The following CDYL variants were observed in gnomAD, a reference collection of about 807,000 sequenced individuals.
The protein encoded by CDYL is chromodomain Y-like protein.
In CDYL, 8 loss-of-function variants were observed where a neutral mutation model predicts 47.3. The ratio of observed to expected loss-of-function variants is 0.17; its 90% CI spans 0.10 to 0.31. The LOEUF (loss-of-function observed/expected upper bound fraction) is 0.31. Among genes scored for constraint, CDYL ranks in the 10% least tolerant of loss-of-function variants. The pLI is 1.00. For synonymous variants in CDYL, 266 were observed against 265.0 expected (o/e 1.00, Z -0.04); for missense variants, 471 against 701.4 (o/e 0.67, Z 3.71).
chr6:4,717,839 ATTT>A (rs11450522), intron 2 of CDYL, among the ~76,000 whole-genome samples: 1 of 144,214 alleles, frequency 6.9e-6, no homozygotes. Flanking sequence ...ACCCTGTTAG[ATTT>A]TTTTTTTTCT....
chr6:4,709,727 A>G (rs966579625), intron 1 of CDYL, among the ~76,000 whole-genome samples: 1 of 152,128 alleles, frequency 6.6e-6, no homozygotes, highest in Non-Finnish European at 1.5e-5. Context: ...TATTCTTCTC[A>G]TATTGTGGTT....
At chr6:4,918,773 C>T (rs975120216) in intron 2 of CDYL, among the ~76,000 whole-genome samples, 1 of 152,158 alleles carries the variant, frequency 6.6e-6, no homozygotes, top group Non-Finnish European at 1.5e-5. Context: ...TTTGAAACTG[C>T]TTTATCTCTG....
chr6:4,763,465 T>C (rs989273226), intron 3 of CDYL, among the ~76,000 whole-genome samples: 3 of 152,180 alleles, frequency 2.0e-5, no homozygotes, highest in African/African-American at 4.8e-5. Context: ...TGTTGGAACA[T>C]GGGTCAGTAG....
At chr6:4,876,422 G>A (rs2127475622) in intron 1 of CDYL, among the ~76,000 whole-genome samples, 1 of 152,220 alleles carries the variant, frequency 6.6e-6, no homozygotes, top group South Asian at 2.1e-4. Context: ...CAGACCTTTT[G>A]CCAAAGTGGC....
At chr6:4,858,419 C>T (rs972393485) in intron 1 of CDYL, among the ~76,000 whole-genome samples, 6 of 152,172 alleles carry the variant, frequency 3.9e-5, no homozygotes, top group South Asian at 4.1e-4. Flanking sequence ...CAAACACTTC[C>T]ACTACTTGTC....
intron 3 of CDYL, among the ~76,000 whole-genome samples, chr6:4,737,081 G>A (rs1422851960): frequency 6.6e-6 from 1 of 152,076 alleles, no homozygotes; most frequent in African/African-American, 2.4e-5. Context: ...AGGAAAAGAA[G>A]GGAATGTCTT....
At chr6:4,820,891 G>A (rs139992318) in intron 1 of CDYL, among the ~76,000 whole-genome samples, 33 of 152,306 alleles carry the variant, frequency 2.2e-4, no homozygotes, top group African/African-American at 7.7e-4. Context: ...CTTGAAATCT[G>A]TAAAACATCC....
chr6:4,924,907 T>A (rs1189189414), intron 2 of CDYL, among the ~76,000 whole-genome samples: 2 of 152,174 alleles, frequency 1.3e-5, no homozygotes, highest in East Asian at 3.8e-4. Context: ...TAGCACAATT[T>A]CAAGTGTCAA....
At chr6:4,731,755 A>G (rs1357431988) in intron 2 of CDYL, among the ~76,000 whole-genome samples, 1 of 152,012 alleles carries the variant, frequency 6.6e-6, no homozygotes, top group East Asian at 1.9e-4. Context: ...GCCGAGATGC[A>G]GGTTGCAGTG....
chr6:4,725,194 T>G (rs1278129342), intron 2 of CDYL, among the ~76,000 whole-genome samples: 3 of 152,210 alleles, frequency 2.0e-5, no homozygotes, highest in Non-Finnish European at 2.9e-5. Context: ...CTGATTGGTG[T>G]ATTTACAATC....
intron 1 of CDYL, among the ~76,000 whole-genome samples, chr6:4,795,578 C>A (rs1410997123): frequency 6.6e-6 from 1 of 152,016 alleles, no homozygotes; most frequent in Admixed American, 6.5e-5. Flanking sequence ...AGTACTATTT[C>A]TTGAATCAAT....
At chr6:4,803,953 G>A (rs1396344842) in intron 1 of CDYL, among the ~76,000 whole-genome samples, 1 of 149,240 alleles carries the variant, frequency 6.7e-6, no homozygotes, top group East Asian at 1.9e-4. Flanking sequence ...TTTAAAAATA[G>A]CTTATGTGTC....
intron 1 of CDYL, among the ~76,000 whole-genome samples, chr6:4,849,571 ACTTT>A (rs1760762786): frequency 3.9e-5 from 5 of 128,666 alleles, no homozygotes; most frequent in Non-Finnish European, 7.4e-5. Flanking sequence ...AAGTGCTCTT[ACTTT>A]CTTTCTCCAC....
chr6:4,743,982 G>A (rs779909009), intron 3 of CDYL, among the ~76,000 whole-genome samples: 9 of 152,166 alleles, frequency 5.9e-5, no homozygotes, highest in Admixed American at 4.6e-4. Flanking sequence ...CTTTTCTCAA[G>A]TTGGAACAGG....
intron 1 of CDYL, among the ~76,000 whole-genome samples, chr6:4,837,750 C>G (rs1760365062): frequency 6.6e-6 from 1 of 150,554 alleles, no homozygotes; most frequent in Admixed American, 6.6e-5. Context: ...GGCACATGAG[C>G]CACCGCGCCC....
intron 3 of CDYL, among the ~76,000 whole-genome samples, chr6:4,748,656 G>GACC (rs1554133587): frequency 1.4e-5 from 2 of 146,048 alleles, no homozygotes; most frequent in African/African-American, 5.1e-5. Context: ...TGATGGCAAA[G>GACC]ACACACACAC....
chr6:4,740,050 A>G (rs546828471), intron 3 of CDYL, among the ~76,000 whole-genome samples: 180 of 152,312 alleles, frequency 1.2e-3, no homozygotes, highest in African/African-American at 4.0e-3. Flanking sequence ...GTACTTTCCT[A>G]TACTTTAAAA....
At chr6:4,713,105 A>AG (rs1340072160) in intron 1 of CDYL, among the ~76,000 whole-genome samples, 8 of 152,340 alleles carry the variant, frequency 5.3e-5, no homozygotes, top group Admixed American at 3.3e-4. Flanking sequence ...TGACCACATG[A>AG]GGGGGTCGAG....
At chr6:4,852,222 T>C (rs1467272846) in intron 1 of CDYL, among the ~76,000 whole-genome samples, 3 of 152,200 alleles carry the variant, frequency 2.0e-5, no homozygotes, top group Non-Finnish European at 4.4e-5. Context: ...GTCCTGTCGT[T>C]CCTTCTGTGG....
Sources: gnomAD v4.1 joint callset for allele counts (sites outside exome capture counted in the v4.1 genomes callset) on GRCh38, gnomAD v4.1.1 for gene constraint, MANE v1.5 for transcripts, NCBI Gene and HGNC (gene_info 2026-07-23, HGNC 2026-07-21) for gene names.